Variants in CBLN2 observed in about 807,000 individuals in gnomAD.
CBLN2 encodes the protein cerebellin-2.
In CBLN2, 7 loss-of-function variants were observed where a neutral mutation model predicts 15.0. The ratio of observed to expected loss-of-function variants is 0.47; its 90% CI spans 0.27 to 0.88. The LOEUF is 0.88. Ranked by LOEUF, CBLN2 falls within the 40% of genes least tolerant of loss-of-function variation. The pLI, the probability that CBLN2 is intolerant of heterozygous loss-of-function variation, is 0.14. For synonymous variants in CBLN2, 149 were observed against 135.2 expected, an observed-to-expected ratio of 1.10 and a Z score of -0.71; for missense variants, 242 against 304.5, an observed-to-expected ratio of 0.79 and a Z score of 1.53.
intron 1 of CBLN2, among the ~76,000 whole-genome samples, chr18:72,626,948 C>T (rs970788609): frequency 1.3e-5 from 2 of 152,140 alleles, no homozygotes; most frequent in Non-Finnish European, 2.9e-5. Context: ...GTTTGCTTGC[C>T]CGTGTTTGAA....
At chr18:72,615,149 AAT>A (rs1568132454) in intron 1 of CBLN2, among the ~76,000 whole-genome samples, 4 of 135,616 alleles carry the variant, frequency 2.9e-5, no homozygotes, top group South Asian at 4.4e-4. Context: ...AATAAATATA[AAT>A]ATAGAAAATA....
At position 72,538,338 on chromosome 18, in the gene CBLN2, C is replaced by T. The variant is rs761812038; in HGVS notation, c.513G>A (p.Ser171=). The T allele has an allele frequency of 2.1e-5, 34 of 1,614,032 alleles. No homozygotes were observed. The highest frequency in any genetic ancestry group is 2.6e-5 in the Non-Finnish European group (31 of 1,180,056). The change falls in exon 5 of 5, where the codon TCG becomes TCA. Residue 171 remains serine, a synonymous_variant. Coordinates refer to ENST00000269503, the MANE Select transcript of CBLN2 (RefSeq NM_182511.4). The stretch of plus-strand genomic sequence containing the variant: ...TGACATCCTGGTCTCCTGCAAAGGC[C>T]GAGATCACTGGGTAGCCATTCTGCA... ...SLMQNGYPVI[S]AFAGDQDVTR...
intron 1 of CBLN2, among the ~76,000 whole-genome samples, chr18:72,610,996 G>A (rs948481868): frequency 2.0e-5 from 3 of 152,056 alleles, no homozygotes; most frequent in South Asian, 2.1e-4. Flanking sequence ...TGTGGTATCC[G>A]ATTTTCTGTT....
intron 2 of CBLN2, among the ~76,000 whole-genome samples, chr18:72,542,806 T>A (rs2069127172): frequency 6.6e-6 from 1 of 152,024 alleles, no homozygotes; most frequent in Non-Finnish European, 1.5e-5. Flanking sequence ...GTTTTTAAAG[T>A]CCATTTAAGT....
intron 1 of CBLN2, among the ~76,000 whole-genome samples, chr18:72,608,282 G>A (rs1367838525): frequency 6.6e-6 from 1 of 152,044 alleles, no homozygotes; most frequent in Non-Finnish European, 1.5e-5. Context: ...TTTCTCCTGG[G>A]GGGATAAGTG....
intron 1 of CBLN2, among the ~76,000 whole-genome samples, chr18:72,571,849 AT>A (rs904340020): frequency 1.7e-4 from 26 of 152,168 alleles, no homozygotes; most frequent in Non-Finnish European, 2.8e-4. Flanking sequence ...TCGAGAGACG[AT>A]TTTTTTTGAT....
At chr18:72,551,156 G>T (rs1033791120) in intron 1 of CBLN2, among the ~76,000 whole-genome samples, 3 of 151,782 alleles carry the variant, frequency 2.0e-5, no homozygotes, top group African/African-American at 7.3e-5. Flanking sequence ...AATTTATTCC[G>T]ATGCTTATTA....
intron 1 of CBLN2, among the ~76,000 whole-genome samples, chr18:72,628,506 T>C (rs936456044): frequency 1.3e-5 from 2 of 152,192 alleles, no homozygotes; most frequent in Non-Finnish European, 2.9e-5. Context: ...TTGTCCAGCA[T>C]TGGACGGAGA....
intron 1 of CBLN2, among the ~76,000 whole-genome samples, chr18:72,594,500 G>T (rs755042591): frequency 8.6e-5 from 13 of 150,584 alleles, no homozygotes; most frequent in Non-Finnish European, 1.6e-4. Flanking sequence ...TACTGTCCTT[G>T]CAAAATGAAT....
intron 1 of CBLN2, among the ~76,000 whole-genome samples, chr18:72,581,417 T>G (rs2069403563): frequency 6.6e-6 from 1 of 152,240 alleles, no homozygotes; most frequent in African/African-American, 2.4e-5. Context: ...CTAGCCATTC[T>G]TATGGATGTT....
intron 1 of CBLN2, among the ~76,000 whole-genome samples, chr18:72,570,949 G>C (rs2144906272): frequency 6.6e-6 from 1 of 152,104 alleles, no homozygotes; most frequent in South Asian, 2.1e-4. Context: ...TATAATTTAT[G>C]AATAATGAGG....
At chr18:72,560,972 G>A (rs913123447) in intron 1 of CBLN2, among the ~76,000 whole-genome samples, 9 of 151,996 alleles carry the variant, frequency 5.9e-5, no homozygotes, top group African/African-American at 2.2e-4. Flanking sequence ...TCTCGCCACC[G>A]TACTCCCGCC....
chr18:72,631,940 A>AT (rs2069779797), intron 1 of CBLN2, among the ~76,000 whole-genome samples: 1 of 152,182 alleles, frequency 6.6e-6, no homozygotes, highest in Non-Finnish European at 1.5e-5. Context: ...ATTTTGATGT[A>AT]CTAAAATATG....
intron 1 of CBLN2, among the ~76,000 whole-genome samples, chr18:72,601,810 T>C (rs1446218626): frequency 6.6e-6 from 1 of 152,096 alleles, no homozygotes. Context: ...TCACTGGTGC[T>C]CCCCCTCCAC....
chr18:72,590,290 A>AC (rs1422317502), intron 1 of CBLN2, among the ~76,000 whole-genome samples: 2 of 151,836 alleles, frequency 1.3e-5, no homozygotes, highest in Non-Finnish European at 2.9e-5. Flanking sequence ...AAAAACAAAA[A>AC]AAAAAAATTA....
intron 1 of CBLN2, among the ~76,000 whole-genome samples, chr18:72,617,951 G>GA (rs544107030): frequency 9.9e-5 from 15 of 151,838 alleles, no homozygotes; most frequent in African/African-American, 3.6e-4. Flanking sequence ...AAAATTATAG[G>GA]AAAAAAAATT....
chr18:72,589,570 C>T (rs1355453346), intron 1 of CBLN2, among the ~76,000 whole-genome samples: 2 of 152,096 alleles, frequency 1.3e-5, no homozygotes, highest in Non-Finnish European at 2.9e-5. Context: ...AAAACAAGGT[C>T]ACAGCCTAGG....
intron 1 of CBLN2, chr18:72,618,716 T>C: frequency 1.4e-6 from 1 of 720,160 alleles, no homozygotes; most frequent in South Asian, 1.3e-5. Context: ...TTTGCCTTCA[T>C]AATCTTTGAT....
At chr18:72,572,328 G>A (rs988550374) in intron 1 of CBLN2, among the ~76,000 whole-genome samples, 2 of 151,848 alleles carry the variant, frequency 1.3e-5, no homozygotes, top group African/African-American at 2.4e-5. Context: ...GCAAAAATAC[G>A]AATATATTTT....
Sources: gnomAD v4.1 joint callset for allele counts (sites outside exome capture counted in the v4.1 genomes callset) on GRCh38, gnomAD v4.1.1 for gene constraint, MANE v1.5 for transcripts, NCBI Gene and HGNC (gene_info 2026-07-23, HGNC 2026-07-21) for gene names.